Variants in TEX2 observed in about 807,000 individuals in gnomAD.
TEX2 encodes testis expressed 2, also known as testis-expressed protein 2.
Under a neutral mutation model 106.9 loss-of-function variants are expected in TEX2, and 53 were observed. The ratio of observed to expected loss-of-function variants is 0.50; its 90% CI spans 0.40 to 0.62. TEX2 has a LOEUF of 0.62. TEX2 is among the 20% of genes least tolerant of loss of function. TEX2 has a pLI of 0.00. For missense variants in TEX2, 1,207 were observed against 1,379.0 expected (o/e 0.88, Z 1.98); for synonymous variants, 523 against 534.8 (o/e 0.98, Z 0.30).
rs759103464 is a variant in TEX2 at position 64,153,119 on chromosome 17, C to T, written c.2966G>A (p.Arg989Lys). The T allele has an allele frequency of 2.5e-6, 4 of 1,614,016 alleles. No individual in the cohort carries two copies. Among genetic ancestry groups the T allele is most frequent in the South Asian group, 1.1e-5 (1 of 91,082 alleles). ...VGGHRTSKIMRFVDKITKSKY... is the reference protein window; with the variant it reads ...VGGHRTSKIMKFVDKITKSKY... ...TGACTTGGTAATTTTATCAACAAAC[C>T]TCATAATCTTACTTGTTCGATGACC... The change falls in exon 10 of 12, where the codon AGG becomes AAG. Residue 989 changes from arginine (R) to lysine (K), a missense_variant. Coordinates refer to ENST00000584379, the MANE Select transcript of TEX2 (RefSeq NM_001288732.2). This position sits in a 1 kb window ranked among gnomAD's most constrained non-coding sequence, Gnocchi z 4.1.
chr17:64,193,468 C>A (rs910553133), intron 4 of TEX2, 91 bp downstream of exon 4: 91 of 924,308 alleles, frequency 9.8e-5, no homozygotes, highest in Non-Finnish European at 1.2e-4. Flanking sequence ...GGTGGGCTTC[C>A]TTCCTTCCTT....
intron 1 of TEX2, among the ~76,000 whole-genome samples, chr17:64,238,005 A>C (rs963088830): frequency 1.6e-4 from 24 of 152,292 alleles, no homozygotes; most frequent in African/African-American, 5.8e-4. Context: ...CAACATCTAT[A>C]ATAAAAACAA....
At position 64,171,328 on chromosome 17, in the gene TEX2, C is replaced by T. The variant is rs1035448488; in HGVS notation, c.2572-129G>A. On this transcript the variant is annotated intron_variant, in intron 6 of 11. Coordinates refer to ENST00000584379, the MANE Select transcript of TEX2 (RefSeq NM_001288732.2). ...GGACATATCATTTATGTAACGAAAA[C>T]GTAATGTGCACACATCATGTACTAG... 33 of 713,246 alleles carry T rather than the reference C, an allele frequency of 4.6e-5. 1 individual carries two copies. Among genetic ancestry groups the T allele is most frequent in the South Asian group, 4.0e-4 (24 of 60,230 alleles). 44.2% of individuals were successfully genotyped at this position (713,246 alleles called of 1,614,324 possible).
intron 8 of TEX2, among the ~76,000 whole-genome samples, chr17:64,157,664 T>C (rs899712289): frequency 1.3e-4 from 20 of 152,242 alleles, no homozygotes; most frequent in African/African-American, 4.8e-4. Context: ...ATTTTTCTTT[T>C]GAGAAAATCA....
intron 1 of TEX2, among the ~76,000 whole-genome samples, chr17:64,229,940 T>G (rs1211481969): frequency 1.3e-5 from 2 of 152,108 alleles, no homozygotes; most frequent in East Asian, 3.9e-4. Context: ...CTCAAAAAAA[T>G]TAGCCGTTTC....
At chr17:64,241,670 A>G (rs551271188) in intron 1 of TEX2, among the ~76,000 whole-genome samples, 6 of 152,142 alleles carry the variant, frequency 3.9e-5, no homozygotes, top group South Asian at 2.1e-4. Context: ...ATCTCACTCT[A>G]TCACCCAGGC....
chr17:64,148,904 T>TGGC lies in TEX2; in HGVS notation c.*62_*64dup. The stretch of plus-strand genomic sequence containing the variant: ...ACAGAGGCCAGTGCTACAGTACAGA[T>TGGC]GGCGGCCAAGAACCCCACACATCCA... On this transcript the variant is annotated 3_prime_UTR_variant, in exon 12 of 12. Transcript: ENST00000584379. 1 of 1,603,176 alleles carries TGGC rather than the reference T, an allele frequency of 6.2e-7. No homozygotes were observed.
At chr17:64,150,649 G>T in intron 11 of TEX2, 192 bp downstream of exon 11, 1 of 478,984 alleles carries the variant, frequency 2.1e-6, no homozygotes, top group Non-Finnish European at 3.5e-6. Flanking sequence ...ATGTTCTGTG[G>T]ATAAGTTTCA....
intron 1 of TEX2, among the ~76,000 whole-genome samples, chr17:64,221,032 T>C (rs2033345646): frequency 6.6e-6 from 1 of 151,988 alleles, no homozygotes; most frequent in East Asian, 1.9e-4. Context: ...TAAAAAGAAA[T>C]GAGATCATGT....
At chr17:64,188,837 A>G (rs376890658) in intron 4 of TEX2, among the ~76,000 whole-genome samples, 4 of 151,894 alleles carry the variant, frequency 2.6e-5, no homozygotes, top group African/African-American at 9.7e-5. Context: ...AAAAAATTTT[A>G]TAAGTTTATT....
intron 1 of TEX2, among the ~76,000 whole-genome samples, chr17:64,250,639 G>A (rs11655800): frequency 0.067 from 10,198 of 152,208 alleles, 459 homozygotes; most frequent in Non-Finnish European, 0.096. Flanking sequence ...TCTCGGTCTG[G>A]CAGGCAGCAT....
At chr17:64,228,187 G>GA (rs1419719691) in intron 1 of TEX2, among the ~76,000 whole-genome samples, 6 of 152,066 alleles carry the variant, frequency 3.9e-5, no homozygotes, top group Admixed American at 2.0e-4. Context: ...CAAACTCATT[G>GA]AAAAAAACTT....
At chr17:64,160,965 T>C in intron 7 of TEX2, 32 bp from the exon 8 acceptor site, 2 of 1,599,150 alleles carry the variant, frequency 1.3e-6, no homozygotes, top group East Asian at 2.2e-5. Context: ...AGAAGGTTTT[T>C]TTCCCTCAAA....
intron 7 of TEX2, among the ~76,000 whole-genome samples, chr17:64,168,262 T>C (rs1179793046): frequency 2.0e-5 from 3 of 152,222 alleles, no homozygotes; most frequent in Non-Finnish European, 4.4e-5. Flanking sequence ...CGGTCATTTC[T>C]GTTTTATCAT....
rs782792032 is a variant in TEX2 at position 64,213,751 on chromosome 17, T to C, written c.467A>G (p.Gln156Arg). ...CAATGGGGAGGAAGAACTGGTTTTC[T>C]GCTCAGAAAGGGATGACACACTGGG... ...SSPSVSSLSE[Q>R]KTSSSSPLSS... is the part of the protein sequence containing the mutation. The change falls in exon 2 of 12, where the codon CAG (glutamine) becomes CGG (arginine). Residue 156 changes from glutamine to arginine, a missense_variant. Gln to Arg is a conservative substitution (Grantham distance 43). Transcript: ENST00000584379. This position sits in a 1 kb window ranked among gnomAD's most constrained non-coding sequence, Gnocchi z 4.4. 7.4e-6 allele frequency: 12 copies of C among 1,614,038 alleles called. No individual in the cohort carries two copies. Among genetic ancestry groups the C allele is most frequent in the Middle Eastern group, 3.3e-4 (2 of 6,082 alleles).
intron 8 of TEX2, among the ~76,000 whole-genome samples, chr17:64,160,488 G>A (rs1450822784): frequency 6.6e-6 from 1 of 152,114 alleles, no homozygotes; most frequent in Admixed American, 6.6e-5. Context: ...TCTATTCGAG[G>A]ATCATTTTAT....
Position 64,241,641 on chromosome 17 carries a change from A to T in TEX2, c.-26+21527T>A, listed in dbSNP as rs146205795. On this transcript the variant is annotated intron_variant, in intron 1 of 11. Transcript: ENST00000584379. ...TTATTATCTTTCTAAAATTATTATT[A>T]TTTTTTTTTAAAGGCAGGATCTCAC... 3.2e-3 allele frequency among the ~76,000 whole-genome samples: 477 copies of T among 151,262 alleles called. 2 individuals are homozygous for T. The highest frequency in any genetic ancestry group is 5.4e-3 in the Non-Finnish European group (363 of 67,742).
intron 7 of TEX2, among the ~76,000 whole-genome samples, chr17:64,161,627 G>A (rs2030888230): frequency 6.6e-6 from 1 of 152,136 alleles, no homozygotes; most frequent in Admixed American, 6.5e-5. Context: ...ATGCCAATGA[G>A]ATCATATCTA....
rs185515538 is a variant in TEX2 at position 64,150,790 on chromosome 17, C to T, written c.3261+51G>A. ...GCTGAAGTTCAGAACCTCGGCTAAA[C>T]CCAGAGCTTCTATACTTGGTGTGAA... is the stretch of plus-strand genomic sequence containing the variant. On this transcript the variant is annotated intron_variant, in intron 11 of 11. Coordinates refer to ENST00000584379, the MANE Select transcript of TEX2 (RefSeq NM_001288732.2). 11 of 1,564,264 alleles carry T rather than the reference C, an allele frequency of 7.0e-6. 1 individual carries two copies. In the South Asian group the frequency reaches 9.8e-5, roughly 14 times the overall value.
Sources: allele counts gnomAD v4.1 joint callset (sites outside exome capture counted in the v4.1 genomes callset), GRCh38; gene constraint gnomAD v4.1.1; non-coding constraint Gnocchi (gnomAD v3.1); transcripts MANE v1.5; gene names NCBI Gene and HGNC (gene_info 2026-07-23, HGNC 2026-07-21).